TTLL5: variants seen among roughly 807,000 people sequenced by gnomAD.
TTLL5 encodes the protein tubulin tyrosine ligase like 5.
Under a neutral mutation model 168.4 loss-of-function variants are expected in TTLL5, and 132 were observed. The observed-to-expected ratio is 0.78, with a 90% confidence interval of 0.68 to 0.91. The LOEUF (loss-of-function observed/expected upper bound fraction) is 0.91, where lower values mean the gene tolerates loss of function less well. TTLL5 is among the 40% of genes least tolerant of loss of function. The probability of loss-of-function intolerance (pLI) is 0.00; values close to 1 mark genes in which losing one functional copy is unlikely to be tolerated. For missense variants in TTLL5, 1,545 were observed against 1,581.5 expected (o/e 0.98, Z 0.39); for synonymous variants, 546 against 558.6 (o/e 0.98, Z 0.32).
chr14:75,747,893 G>A (rs1449006865), intron 17 of TTLL5, among the ~76,000 whole-genome samples: 5 of 152,144 alleles, frequency 3.3e-5, no homozygotes, highest in African/African-American at 1.2e-4. Flanking sequence ...CATTCAAGGG[G>A]TCCCTCATGA....
intron 18 of TTLL5, among the ~76,000 whole-genome samples, chr14:75,759,178 A>G (rs778841372): frequency 2.6e-5 from 4 of 152,168 alleles, no homozygotes; most frequent in Non-Finnish European, 5.9e-5. Context: ...GGATTTCACT[A>G]TAGATTCAAC....
chr14:75,913,215 T>A (rs2033460876), intron 31 of TTLL5, among the ~76,000 whole-genome samples: 1 of 152,204 alleles, frequency 6.6e-6, no homozygotes, highest in African/African-American at 2.4e-5. Flanking sequence ...GCATGTTGAT[T>A]GTCTGCTCCC....
At chr14:75,885,164 G>GATCAGAGAGTTCTCACGT in intron 30 of TTLL5, among the ~76,000 whole-genome samples, 1 of 147,166 alleles carries the variant, frequency 6.8e-6, no homozygotes, top group East Asian at 2.0e-4. Context: ...GACAGAACAA[G>GATCAGAGAGTTCTCACGT]ACCCCGTCTC....
chr14:75,680,589 G>T (rs1884522271), intron 3 of TTLL5, among the ~76,000 whole-genome samples: 2 of 150,926 alleles, frequency 1.3e-5, no homozygotes, highest in Non-Finnish European at 2.9e-5. Context: ...AGCATTATAG[G>T]ATACAGAGGG....
chr14:75,720,978 G>A (rs1470830294), intron 12 of TTLL5, among the ~76,000 whole-genome samples: 1 of 152,166 alleles, frequency 6.6e-6, no homozygotes, highest in East Asian at 1.9e-4. Context: ...GAAAAAGTCT[G>A]CAACGGACTG....
At chr14:75,942,722 A>C (rs914282522) in intron 31 of TTLL5, among the ~76,000 whole-genome samples, 1 of 152,206 alleles carries the variant, frequency 6.6e-6, no homozygotes, top group African/African-American at 2.4e-5. Context: ...AAATACTTGC[A>C]TTCTCTATGG....
In TTLL5 at chr14:75,744,991, A is replaced by G. The variant is rs921102734; in HGVS notation, c.1282-104A>G. 5.3e-6 allele frequency: 5 copies of G among 945,008 alleles called. No individual in the cohort carries two copies. In the African/African-American group the frequency reaches 8.3e-5, roughly 16 times the overall value. The allele number at this position is 945,008 out of a possible 1,614,324, so 58.5% of individuals were successfully genotyped here. A position where few individuals can be genotyped will look rare whatever the true frequency, so the allele number is the denominator to read the frequency against. ...AAGTGGGCTATGAATTTGAGCTTAT[A>G]AATCTTTAGAAAAATAATGATGTTG... On this transcript the variant is annotated intron_variant, in intron 15 of 31. Transcript: ENST00000298832.
At chr14:75,816,199 C>A (rs143474084) in intron 27 of TTLL5, among the ~76,000 whole-genome samples, 2 of 152,154 alleles carry the variant, frequency 1.3e-5, no homozygotes, top group Non-Finnish European at 2.9e-5. Flanking sequence ...GAGGCCAAGG[C>A]GGGTAGACCA....
chr14:75,733,837 T>C (rs934532064), intron 13 of TTLL5, 152 bp from the exon 14 acceptor site: 2 of 669,912 alleles, frequency 3.0e-6, no homozygotes, highest in Non-Finnish European at 5.1e-6. Context: ...TGCCCAGGAT[T>C]TTTCCCCCAC....
At chr14:75,681,124 T>G (rs1423603797) in intron 3 of TTLL5, among the ~76,000 whole-genome samples, 2 of 152,112 alleles carry the variant, frequency 1.3e-5, no homozygotes, top group Non-Finnish European at 2.9e-5. Flanking sequence ...TATTAGTGTA[T>G]TAAATAACAA....
At chr14:75,867,634 C>A (rs189888930) in intron 29 of TTLL5, among the ~76,000 whole-genome samples, 2 of 152,038 alleles carry the variant, frequency 1.3e-5, no homozygotes, top group African/African-American at 4.8e-5. Context: ...GTGGCGCATG[C>A]CTATAATCCC....
chr14:75,871,011 G>A (rs2030989219), intron 29 of TTLL5, among the ~76,000 whole-genome samples: 3 of 152,076 alleles, frequency 2.0e-5, no homozygotes, highest in South Asian at 4.2e-4. Flanking sequence ...AGCCAGGATG[G>A]TCTTGATCTC....
chr14:75,846,697 G>A (rs943451993), intron 28 of TTLL5, among the ~76,000 whole-genome samples: 3 of 151,128 alleles, frequency 2.0e-5, no homozygotes, highest in Non-Finnish European at 4.4e-5. Context: ...GGCTGAGGCA[G>A]GAGAATCACT....
intron 30 of TTLL5, among the ~76,000 whole-genome samples, chr14:75,900,995 CG>C (rs1222671337): frequency 6.6e-6 from 1 of 152,050 alleles, no homozygotes; most frequent in Non-Finnish European, 1.5e-5. Flanking sequence ...AAAATAGTGT[CG>C]GGAGAGAGAT....
chr14:75,905,348 A>G (rs1295358868), intron 31 of TTLL5, among the ~76,000 whole-genome samples: 1 of 152,172 alleles, frequency 6.6e-6, no homozygotes, highest in African/African-American at 2.4e-5. Flanking sequence ...CGGCTGTGTG[A>G]CTGTTCTCTC....
In TTLL5 at chr14:75,828,496, A is replaced by G. The variant is rs570963284; in HGVS notation, c.3326+8335A>G. ...TACAGTCCCATAATACATATATCATATACCATATGTGTTAATTACTGTTTA... is the reference window on the plus strand; with the variant it reads ...TACAGTCCCATAATACATATATCATGTACCATATGTGTTAATTACTGTTTA... On this transcript the variant is annotated intron_variant, in intron 28 of 31. Coordinates refer to ENST00000298832, the MANE Select transcript of TTLL5 (RefSeq NM_015072.5). Among the ~76,000 whole-genome samples the G allele has an allele frequency of 2.2e-3, 341 of 152,338 alleles. 1 individual carries two copies. The highest frequency in any genetic ancestry group is 8.0e-3 in the African/African-American group (332 of 41,584).
intron 31 of TTLL5, among the ~76,000 whole-genome samples, chr14:75,923,190 T>G (rs921775959): frequency 6.6e-6 from 1 of 152,206 alleles, no homozygotes; most frequent in African/African-American, 2.4e-5. Context: ...TTTGAAGAGT[T>G]TTTTGTGTCT....
intron 28 of TTLL5, among the ~76,000 whole-genome samples, chr14:75,833,812 T>G (rs933710049): frequency 6.6e-6 from 1 of 152,136 alleles, no homozygotes; most frequent in African/African-American, 2.4e-5. Context: ...GCTTACCTAG[T>G]GATAAAGTAA....
intron 6 of TTLL5, among the ~76,000 whole-genome samples, chr14:75,698,423 A>C (rs1018966474): frequency 1.3e-5 from 2 of 152,094 alleles, no homozygotes; most frequent in African/African-American, 4.8e-5. Flanking sequence ...TTTTTTTTAT[A>C]AGCTCGAAAT....
Sources: allele counts gnomAD v4.1 joint callset (sites outside exome capture counted in the v4.1 genomes callset), GRCh38; gene constraint gnomAD v4.1.1; transcripts MANE v1.5; gene names NCBI Gene and HGNC (gene_info 2026-07-23, HGNC 2026-07-21).